NMS: variants seen among roughly 807,000 people sequenced by gnomAD.
NMS encodes the protein neuromedin S, also known as neuromedin-S.
A neutral mutation model predicts 32.2 loss-of-function variants in NMS; 30 were observed. The ratio of observed to expected loss-of-function variants is 0.93; its 90% CI spans 0.70 to 1.26. The LOEUF (loss-of-function observed/expected upper bound fraction) is 1.26. Ranked by LOEUF, NMS falls within the 50% of genes most tolerant of loss-of-function variation. NMS has a pLI of 0.00. For missense variants in NMS, 190 were observed against 186.3 expected (o/e 1.02, Z -0.12); for synonymous variants, 76 against 58.5 (o/e 1.30, Z -1.37).
chr2:100,474,094 G>A (rs549664787), intron 3 of NMS, among the ~76,000 whole-genome samples: 1 of 152,104 alleles, frequency 6.6e-6, no homozygotes, highest in Non-Finnish European at 1.5e-5. Flanking sequence ...GAACCCGGGA[G>A]GCGGAGGTTG....
At chr2:100,470,991 G>A (rs1676997931) in intron 1 of NMS, among the ~76,000 whole-genome samples, 1 of 152,162 alleles carries the variant, frequency 6.6e-6, no homozygotes, top group Non-Finnish European at 1.5e-5. Flanking sequence ...GGCGCGGGAG[G>A]AGCGCACACT....
chr2:100,483,179 C>G (rs1677251655), intron 9 of NMS, 73 bp from the exon 10 acceptor site: 2 of 1,334,698 alleles, frequency 1.5e-6, no homozygotes, highest in Non-Finnish European at 2.1e-6. Flanking sequence ...TACATAATAA[C>G]CTGCCCATGG....
intron 6 of NMS, among the ~76,000 whole-genome samples, chr2:100,480,016 C>T (rs1206011651): frequency 1.3e-5 from 2 of 152,152 alleles, no homozygotes; most frequent in Non-Finnish European, 2.9e-5. Flanking sequence ...AGTTTTAGCT[C>T]TGAAAATCCC....
Position 100,483,244 on chromosome 2 carries a change from T to G in NMS, c.450-8T>G, listed in dbSNP as rs781078810. On this transcript the variant is annotated splice_region_variant and splice_polypyrimidine_tract_variant and intron_variant, in intron 9 of 9. Coordinates refer to ENST00000376865, the MANE Select transcript of NMS (RefSeq NM_001011717.1). ...ACTGAGCAGTGCATTTTTCTTTTCT[T>G]TTTTTAGGATTCAGTGGTGAAAGAA... is the stretch of plus-strand genomic sequence containing the variant. 1.2e-6 allele frequency: 2 copies of G among 1,612,240 alleles called. No individual in the cohort carries two copies. Among genetic ancestry groups the G allele is most frequent in the Non-Finnish European group, 1.7e-6 (2 of 1,178,714 alleles).
intron 5 of NMS, 41 bp from the exon 6 acceptor site, chr2:100,479,312 A>C: frequency 6.7e-7 from 1 of 1,482,076 alleles, no homozygotes; most frequent in Non-Finnish European, 9.3e-7. Context: ...CCCTCTGTGG[A>C]TGTCCCCCTG....
Position 100,473,802 on chromosome 2 carries a change from T to C in NMS, c.183+263T>C, listed in dbSNP as rs138969079. On this transcript the variant is annotated intron_variant, in intron 3 of 9. Transcript: ENST00000376865. Reference sequence around the variant, plus strand: ...TAATCATGTATAGTTAAGCTAATTATATGTTATGATATATTGCATATTACA... The same window carrying C: ...TAATCATGTATAGTTAAGCTAATTACATGTTATGATATATTGCATATTACA... 5.2e-3 allele frequency among the ~76,000 whole-genome samples: 786 copies of C among 152,244 alleles called. 7 individuals carry two copies. The highest frequency in any genetic ancestry group is 0.018 in the African/African-American group (751 of 41,548).
At chr2:100,474,624 G>T (rs1251769899) in intron 3 of NMS, among the ~76,000 whole-genome samples, 1 of 152,192 alleles carries the variant, frequency 6.6e-6, no homozygotes, top group Non-Finnish European at 1.5e-5. Flanking sequence ...GAATGCTGTT[G>T]TAAGGATTAA....
At chr2:100,477,815 C>T (rs1677140617) in intron 5 of NMS, among the ~76,000 whole-genome samples, 1 of 152,088 alleles carries the variant, frequency 6.6e-6, no homozygotes, top group Admixed American at 6.6e-5. Context: ...GGATGAACAT[C>T]TTCCGTGGCT....
chr2:100,473,436 C>A (rs905458947), intron 2 of NMS, 53 bp from the exon 3 acceptor site: 19 of 1,043,846 alleles, frequency 1.8e-5, no homozygotes, highest in Admixed American at 2.4e-5. Context: ...TAATCAATCT[C>A]TCTCTTCATC....
In NMS at chr2:100,480,676, T is replaced by C. The variant is rs1677201307; in HGVS notation, c.372+145T>C. On this transcript the variant is annotated intron_variant, in intron 7 of 9. Coordinates refer to ENST00000376865, the MANE Select transcript of NMS (RefSeq NM_001011717.1). ...TCCAAAGGACCCTGAGAATCTTTTG[T>C]GGCTGAGCAATTAAGTTCAGGTTTC... The C allele has an allele frequency of 3.9e-6, 3 of 765,304 alleles. No individual in the cohort carries two copies. The Admixed American group carries it at 8.4e-5, about 21-fold the overall frequency. 47.4% of individuals were successfully genotyped at this position (765,304 alleles called of 1,614,324 possible).
intron 3 of NMS, 83 bp downstream of exon 3, chr2:100,473,622 G>C: frequency 4.8e-6 from 2 of 414,412 alleles, no homozygotes; most frequent in African/African-American, 2.1e-5. Flanking sequence ...ACAGGAGAAT[G>C]CTGTATGTAT....
chr2:100,472,618 CT>C (rs1677024037), intron 1 of NMS, among the ~76,000 whole-genome samples, 176 bp from the exon 2 acceptor site: 2 of 152,118 alleles, frequency 1.3e-5, no homozygotes, highest in African/African-American at 4.8e-5. Flanking sequence ...AGTGTATTTT[CT>C]TTGTAAATCC....
Position 100,481,167 on chromosome 2 carries a change from G to A in NMS, c.414G>A (p.Arg138=). ...ATWGRPFFLF[R]PRNGRNIEDE... is the part of the protein sequence containing the mutation. ...GGGGACGACCCTTTTTCCTTTTCAG[G>A]GTATAGCATGTTTTCTCACCTTTGC... Residue 138 remains arginine, a splice_region_variant and synonymous_variant, in exon 8 of 10, where the codon AGG becomes AGA. Coordinates refer to ENST00000376865, the MANE Select transcript of NMS (RefSeq NM_001011717.1). 1.9e-6 allele frequency: 3 copies of A among 1,614,048 alleles called. No individual in the cohort carries two copies. Among genetic ancestry groups the A allele is most frequent in the Non-Finnish European group, 2.5e-6 (3 of 1,179,932 alleles).
intron 2 of NMS, among the ~76,000 whole-genome samples, chr2:100,473,201 A>G (rs960802630): frequency 6.6e-6 from 1 of 152,238 alleles, no homozygotes; most frequent in African/African-American, 2.4e-5. Flanking sequence ...ATATTCTGAT[A>G]CTTTCATATA....
rs762054368 is a variant in NMS at position 100,472,782 on chromosome 2, T to C, written c.77-13T>C. On this transcript the variant is annotated splice_polypyrimidine_tract_variant and intron_variant, in intron 1 of 9. Coordinates refer to ENST00000376865, the MANE Select transcript of NMS (RefSeq NM_001011717.1). ...TTTTCTCTAATTAATAATTTTATGA[T>C]TTCTCACAATAGGATTTCCTCAACC... is the stretch of plus-strand genomic sequence containing the variant. The C allele has an allele frequency of 9.5e-6, 15 of 1,581,696 alleles. No individual in the cohort carries two copies. The East Asian group carries it at 3.1e-4, about 33-fold the overall frequency.
At chr2:100,473,220 C>T (rs753440) in intron 2 of NMS, among the ~76,000 whole-genome samples, 37,239 of 152,004 alleles carry the variant, frequency 0.24, 4,807 homozygotes, top group East Asian at 0.35. Context: ...TAGTGTGTTA[C>T]AACCAAGTTG....
intron 3 of NMS, among the ~76,000 whole-genome samples, chr2:100,473,810 G>A (rs1368326478): frequency 6.6e-6 from 1 of 151,894 alleles, no homozygotes; most frequent in Non-Finnish European, 1.5e-5. Flanking sequence ...TATATGTTAT[G>A]ATATATTGCA....
At chr2:100,470,765 T>C (rs1344854652) in intron 1 of NMS, among the ~76,000 whole-genome samples, 1 of 152,204 alleles carries the variant, frequency 6.6e-6, no homozygotes, top group African/African-American at 2.4e-5. Context: ...TAAAGGAGAC[T>C]TTTCCCTGTG....
chr2:100,478,912 C>T (rs1412566494), intron 5 of NMS, among the ~76,000 whole-genome samples: 2 of 152,188 alleles, frequency 1.3e-5, no homozygotes, highest in Non-Finnish European at 2.9e-5. Context: ...GGCGTGTACA[C>T]CTGGGTACGC....
Sources: gnomAD v4.1 joint callset for allele counts (sites outside exome capture counted in the v4.1 genomes callset) on GRCh38, gnomAD v4.1.1 for gene constraint, MANE v1.5 for transcripts, NCBI Gene and HGNC (gene_info 2026-07-23, HGNC 2026-07-21) for gene names.